C16orf96: variants seen among roughly 807,000 people sequenced by gnomAD.
C16orf96 encodes uncharacterized protein C16orf96.
C16orf96 carries 108 observed loss-of-function variants against 103.6 expected under a neutral mutation model. That is an observed-to-expected ratio of 1.04 (90% CI 0.89 to 1.22). The LOEUF is 1.22. C16orf96 is among the 50% of genes most tolerant of loss of function. C16orf96 has a pLI of 0.00. For synonymous variants in C16orf96, 566 were observed against 593.5 expected (o/e 0.95, Z 0.67); for missense variants, 1,586 against 1,464.2 (o/e 1.08, Z -1.36).
At chr16:4,563,192 A>G (rs2059350417) in intron 1 of C16orf96, 1 of 669,172 alleles carries the variant, frequency 1.5e-6, no homozygotes, top group Non-Finnish European at 2.8e-6. Context: ...TGCTTTAGGC[A>G]TCGCTTCGCT....
At position 4,587,074 on chromosome 16, in the gene C16orf96, C is replaced by A. The variant is rs1405107132; in HGVS notation, c.2388C>A (p.Asn796Lys). The change falls in exon 8 of 16, where the codon AAC (asparagine) becomes AAA (lysine). Residue 796 changes from asparagine to lysine, a missense_variant. Asn to Lys is a moderately conservative substitution (Grantham distance 94). Transcript: ENST00000444310. ...CTCAAATCAAAAGACTGGAAATGAACAAGGTGAATAAGAGCACGATGGAGG... is the reference window on the plus strand; with the variant it reads ...CTCAAATCAAAAGACTGGAAATGAAAAAGGTGAATAAGAGCACGATGGAGG... ...LQAQIKRLEM[N>K]KVNKSTMEEE... 2 of 1,551,642 alleles carry A rather than the reference C, an allele frequency of 1.3e-6. No homozygotes were observed. Among genetic ancestry groups the A allele is most frequent in the East Asian group, 2.4e-5 (1 of 40,926 alleles).
chr16:4,559,675 CATT>C (rs2059307306), intron 1 of C16orf96, among the ~76,000 whole-genome samples: 1 of 152,158 alleles, frequency 6.6e-6, no homozygotes, highest in Admixed American at 6.5e-5. Flanking sequence ...GATATATTGA[CATT>C]GTTGTGCAGC....
At chr16:4,588,463 G>C in intron 9 of C16orf96, 132 bp downstream of exon 9, 1 of 1,030,856 alleles carries the variant, frequency 9.7e-7, no homozygotes, top group Non-Finnish European at 1.4e-6. Flanking sequence ...TAGCTGGGTG[G>C]CTCAGGGTTT....
chr16:4,576,653 C>A lies in C16orf96; in HGVS notation c.2155+18C>A. ...TTATCTAGGTAGGCCTGGTCTGGCC[C>A]TGGGAAGGGCACAAGGGAGTGGGGC... is the stretch of plus-strand genomic sequence containing the variant. On this transcript the variant is annotated intron_variant, in intron 5 of 15. Transcript: ENST00000444310. 6.5e-7 allele frequency: 1 copy of A among 1,539,406 alleles called. No individual in the cohort carries two copies. Among genetic ancestry groups the A allele is most frequent in the Non-Finnish European group, 8.8e-7 (1 of 1,140,556 alleles).
Position 4,575,148 on chromosome 16 carries a change from G to A in C16orf96, c.694-26G>A. ...TGGGAGGCGGGGCTGGAAGCCAGCAGAGCCCCTCTGCCCCCTCTTCTGCAG... is the reference window on the plus strand; with the variant it reads ...TGGGAGGCGGGGCTGGAAGCCAGCAAAGCCCCTCTGCCCCCTCTTCTGCAG... On this transcript the variant is annotated intron_variant, in intron 4 of 15. Coordinates refer to ENST00000444310, the MANE Select transcript of C16orf96 (RefSeq NM_001145011.2). The A allele has an allele frequency of 1.9e-6, 3 of 1,545,620 alleles. No individual in the cohort carries two copies. In the South Asian group the frequency reaches 3.6e-5, roughly 18 times the overall value.
intron 7 of C16orf96, among the ~76,000 whole-genome samples, chr16:4,585,117 A>G (rs144890326): frequency 9.2e-5 from 14 of 152,260 alleles, no homozygotes; most frequent in African/African-American, 3.4e-4. Context: ...ACTGCATTCC[A>G]GCCTGGGTGA....
At chr16:4,595,794 A>C (rs926748643) in intron 14 of C16orf96, among the ~76,000 whole-genome samples, 2 of 151,066 alleles carry the variant, frequency 1.3e-5, no homozygotes, top group African/African-American at 4.9e-5. Flanking sequence ...GCAACCTCCA[A>C]CTCCCGGGTT....
chr16:4,585,456 CAAAAAATTAAAATA>C (rs1169782635), intron 7 of C16orf96, among the ~76,000 whole-genome samples: 3 of 151,668 alleles, frequency 2.0e-5, no homozygotes, highest in Non-Finnish European at 2.9e-5. Context: ...GAGCCTGCCT[CAAAAAATTAAAATA>C]AAAAAATTAA....
At chr16:4,554,315 A>G (rs758780151), upstream of C16orf96, among the ~76,000 whole-genome samples, 3 of 151,270 alleles carry the variant, frequency 2.0e-5, no homozygotes, top group Non-Finnish European at 2.9e-5. Context: ...AGGGACATGC[A>G]GGGCCTAGAA....
rs1287454447 is a variant in C16orf96, at chr16:4,585,313, T to G, written c.2353-1726T>G. On this transcript the variant is annotated intron_variant, in intron 7 of 15. Transcript: ENST00000444310. ...CTACAAAAAAAAAAAAAAAAAAAAATCCAGGTAGGTGGTGTCACCTGCAGT... is the reference window on the plus strand; with the variant it reads ...CTACAAAAAAAAAAAAAAAAAAAAAGCCAGGTAGGTGGTGTCACCTGCAGT... 3.0e-3 allele frequency among the ~76,000 whole-genome samples: 14 copies of G among 4,642 alleles called. 2 individuals carry two copies. Among genetic ancestry groups the G allele is most frequent in the South Asian group, 0.013 (1 of 80 alleles). 3.0% of individuals were successfully genotyped at this position (4,642 alleles called of 152,430 possible). A position where few individuals can be genotyped will look rare whatever the true frequency, so the allele number is the denominator to read the frequency against.
chr16:4,546,446 C>G, the C16orf96 span, among the ~76,000 whole-genome samples: 60,118 of 146,982 alleles, frequency 0.41, 14,099 homozygotes, highest in African/African-American at 0.64. Flanking sequence ...GCGGGAGCCA[C>G]CGCGCCCGGA....
At chr16:4,559,700 A>C (rs115374222) in intron 1 of C16orf96, among the ~76,000 whole-genome samples, 2 of 152,134 alleles carry the variant, frequency 1.3e-5, no homozygotes, top group African/African-American at 4.8e-5. Flanking sequence ...AGCCACCTCT[A>C]TCTAGTTCTA....
chr16:4,556,664 G>T lies in C16orf96; in HGVS notation c.175G>T (p.Val59Phe). The T allele has an allele frequency of 6.4e-7, 1 of 1,551,552 alleles. No individual in the cohort carries two copies. The highest frequency in any genetic ancestry group is 8.7e-7 in the Non-Finnish European group (1 of 1,146,846). Reference protein sequence around the residue: ...DEDFLQTSQVVIMPREGDAQP... With the variant: ...DEDFLQTSQVFIMPREGDAQP... ...GGACTTCCTGCAGACCTCGCAGGTGGTCATCATGCCCAGGGAAGGAGACGC... is the reference window on the plus strand; with the variant it reads ...GGACTTCCTGCAGACCTCGCAGGTGTTCATCATGCCCAGGGAAGGAGACGC... Residue 59 changes from valine (V) to phenylalanine (F), a missense_variant, in exon 1 of 16, where the codon GTC becomes TTC. By Grantham distance (50) the Val-to-Phe change is conservative (BLOSUM62 -1). Coordinates refer to ENST00000444310, the MANE Select transcript of C16orf96 (RefSeq NM_001145011.2).
chr16:4,594,515 G>A lies in C16orf96; in HGVS notation c.3027+5G>A. 1.3e-6 allele frequency: 2 copies of A among 1,550,124 alleles called. No homozygotes were observed. Among genetic ancestry groups the A allele is most frequent in the South Asian group, 1.2e-5 (1 of 84,060 alleles). On this transcript the variant is annotated splice_donor_5th_base_variant and intron_variant, in intron 13 of 15. Transcript: ENST00000444310. ...CACGTGATCGACTATGACAGCGTGA[G>A]TCTGGCCGGGGCCTCCTTCTCAGAG...
rs755063359 is a variant in C16orf96 at position 4,575,671 on chromosome 16, A to T, written c.1191A>T (p.Gln397His). The T allele has an allele frequency of 3.1e-4, 480 of 1,535,370 alleles. 1 individual carries two copies. Among genetic ancestry groups the T allele is most frequent in the Non-Finnish European group, 3.9e-4 (448 of 1,139,968 alleles). Residue 397 changes from glutamine to histidine, a missense_variant, in exon 5 of 16, where the codon CAA becomes CAT. Physicochemically the swap from Gln to His is conservative, Grantham distance 24. Coordinates refer to ENST00000444310, the MANE Select transcript of C16orf96 (RefSeq NM_001145011.2). ...PALPRRWPLP[Q>H]GWPRVGSWPL... ...TCCCAAGACGCTGGCCTCTTCCCCA[A>T]GGCTGGCCCAGGGTGGGCTCTTGGC...
intron 14 of C16orf96, among the ~76,000 whole-genome samples, chr16:4,598,745 C>T (rs956166500): frequency 6.6e-6 from 1 of 152,172 alleles, no homozygotes; most frequent in Non-Finnish European, 1.5e-5. Flanking sequence ...GCTGAAATCA[C>T]GTCACACTCC....
intron 1 of C16orf96, among the ~76,000 whole-genome samples, chr16:4,570,225 G>T (rs2059423138): frequency 6.6e-6 from 1 of 152,164 alleles, no homozygotes; most frequent in African/African-American, 2.4e-5. Flanking sequence ...CTGATAATTC[G>T]GAATAAATTC....
At chr16:4,569,199 A>T (rs1255708933) in intron 1 of C16orf96, among the ~76,000 whole-genome samples, 2 of 151,024 alleles carry the variant, frequency 1.3e-5, no homozygotes, top group African/African-American at 4.9e-5. Context: ...CAAACTCCTG[A>T]ACTTCAGATC....
the C16orf96 span, among the ~76,000 whole-genome samples, chr16:4,547,996 A>G: frequency 2.0e-5 from 3 of 152,086 alleles, no homozygotes; most frequent in Non-Finnish European, 2.9e-5. Flanking sequence ...GGTGTTTGCA[A>G]CTATCTGCAA....
Sources: allele counts gnomAD v4.1 joint callset (sites outside exome capture counted in the v4.1 genomes callset), GRCh38; gene constraint gnomAD v4.1.1; transcripts MANE v1.5; gene names NCBI Gene and HGNC (gene_info 2026-07-23, HGNC 2026-07-21).